MBD5: variants seen among roughly 807,000 people sequenced by gnomAD.
The protein encoded by MBD5 is methyl-CpG binding domain protein 5, also known as methyl-CpG-binding domain protein 5.
MBD5 carries 13 observed loss-of-function variants against 117.3 expected under a neutral mutation model. That is an observed-to-expected ratio of 0.11 (90% CI 0.07 to 0.18). The LOEUF (loss-of-function observed/expected upper bound fraction) is 0.18, where lower values mean the gene tolerates loss of function less well. Among genes scored for constraint, MBD5 ranks in the 10% least tolerant of loss-of-function variants. MBD5 has a pLI of 1.00. For missense variants in MBD5, 1,879 were observed against 2,093.8 expected (o/e 0.90, Z 2.00); for synonymous variants, 727 against 766.4 (o/e 0.95, Z 0.85).
chr2:148,308,559 T>C (rs930382534), intron 3 of MBD5, among the ~76,000 whole-genome samples: 4 of 148,890 alleles, frequency 2.7e-5, no homozygotes, highest in Non-Finnish European at 5.9e-5. Context: ...TATTAGCCCT[T>C]TGTCAGGTGA....
intron 12 of MBD5, among the ~76,000 whole-genome samples, chr2:148,509,843 C>T (rs1682163106): frequency 6.6e-6 from 1 of 151,844 alleles, no homozygotes; most frequent in African/African-American, 2.4e-5. Context: ...CCCCGCCCCA[C>T]AATCTGTTCA....
chr2:148,397,648 ATTTT>A (rs1704767150), intron 4 of MBD5, among the ~76,000 whole-genome samples: 1 of 151,242 alleles, frequency 6.6e-6, no homozygotes. Flanking sequence ...TATTTTATTT[ATTTT>A]ATTTTATTTT....
intron 4 of MBD5, among the ~76,000 whole-genome samples, chr2:148,405,554 G>C (rs1705050138): frequency 6.6e-6 from 1 of 152,194 alleles, no homozygotes; most frequent in South Asian, 2.1e-4. Flanking sequence ...AGGATGACTG[G>C]AGGGTCATCC....
At chr2:148,131,920 G>T (rs1478807208) in intron 1 of MBD5, among the ~76,000 whole-genome samples, 1 of 152,130 alleles carries the variant, frequency 6.6e-6, no homozygotes, top group African/African-American at 2.4e-5. Context: ...GTGTTTTCAT[G>T]TGTGTGCTTT....
chr2:148,474,807 G>C (rs921959900), intron 8 of MBD5, among the ~76,000 whole-genome samples: 2 of 152,034 alleles, frequency 1.3e-5, no homozygotes, highest in Non-Finnish European at 2.9e-5. Flanking sequence ...TAATATGGTA[G>C]GTATAAGACA....
intron 2 of MBD5, among the ~76,000 whole-genome samples, chr2:148,230,570 G>T (rs1558982736): frequency 1.3e-5 from 2 of 152,130 alleles, no homozygotes; most frequent in Non-Finnish European, 2.9e-5. Flanking sequence ...TAAGGTACAA[G>T]ACAAAGTTCC....
chr2:148,443,708 A>G (rs1706402091), intron 4 of MBD5, among the ~76,000 whole-genome samples: 1 of 151,092 alleles, frequency 6.6e-6, no homozygotes. Flanking sequence ...ACTCATAGAA[A>G]TAGAAAGTAG....
chr2:148,085,707 T>G (rs6752963), intron 1 of MBD5, among the ~76,000 whole-genome samples: 138,631 of 151,314 alleles, frequency 0.92, 63,576 homozygotes, highest in African/African-American at 0.96. Context: ...CTGGGCGACA[T>G]AGCGAGACTC....
chr2:148,089,919 A>G (rs1695893483), intron 1 of MBD5, among the ~76,000 whole-genome samples: 1 of 152,146 alleles, frequency 6.6e-6, no homozygotes. Flanking sequence ...ATTTGAAAAG[A>G]TAAACAAAAT....
At chr2:148,048,972 C>A (rs1466314516) in intron 1 of MBD5, among the ~76,000 whole-genome samples, 1 of 152,070 alleles carries the variant, frequency 6.6e-6, no homozygotes, top group Non-Finnish European at 1.5e-5. Flanking sequence ...CTGCAGTGCT[C>A]AAAGGGTGAG....
intron 1 of MBD5, among the ~76,000 whole-genome samples, chr2:148,057,469 C>T (rs1315720809): frequency 6.7e-6 from 1 of 149,934 alleles, no homozygotes; most frequent in East Asian, 2.0e-4. Context: ...TTCAGTGACT[C>T]CTGAGTTTTT....
chr2:148,369,076 G>C (rs1005875005), intron 4 of MBD5, among the ~76,000 whole-genome samples: 1 of 151,994 alleles, frequency 6.6e-6, no homozygotes, highest in African/African-American at 2.4e-5. Flanking sequence ...ACTAAAATGC[G>C]TGACCTCAAT....
chr2:148,387,349 A>G (rs745755935), intron 4 of MBD5, among the ~76,000 whole-genome samples: 51 of 152,288 alleles, frequency 3.3e-4, no homozygotes, highest in Non-Finnish European at 5.7e-4. Context: ...TGAATCATTC[A>G]TGAGAGGAAT....
chr2:148,208,119 AATT>A (rs1699331065), intron 2 of MBD5, among the ~76,000 whole-genome samples: 1 of 152,064 alleles, frequency 6.6e-6, no homozygotes, highest in Non-Finnish European at 1.5e-5. Context: ...GCTGCTGGGG[AATT>A]ATTATTAAGA....
chr2:148,079,221 T>C (rs1259242896), intron 1 of MBD5, among the ~76,000 whole-genome samples: 16 of 152,200 alleles, frequency 1.1e-4, no homozygotes, highest in Non-Finnish European at 8.8e-5. Flanking sequence ...CTCAGCAGAA[T>C]TGTGAATAGT....
At chr2:148,236,823 C>T (rs1014426981) in intron 3 of MBD5, among the ~76,000 whole-genome samples, 1 of 152,120 alleles carries the variant, frequency 6.6e-6, no homozygotes, top group African/African-American at 2.4e-5. Flanking sequence ...TCCCAGGTGG[C>T]ATCTTCTTCC....
At chr2:148,183,334 T>C (rs1574105370) in intron 2 of MBD5, among the ~76,000 whole-genome samples, 1 of 151,780 alleles carries the variant, frequency 6.6e-6, no homozygotes, top group South Asian at 2.1e-4. Flanking sequence ...GAAGGGTATT[T>C]CCCCTTACAA....
chr2:148,437,696 T>C (rs1299793992), intron 4 of MBD5, among the ~76,000 whole-genome samples: 1 of 151,944 alleles, frequency 6.6e-6, no homozygotes, highest in Admixed American at 6.6e-5. Flanking sequence ...ACAGGCATAC[T>C]AAAGACAGTC....
chr2:148,227,448 G>A (rs542600588), intron 2 of MBD5, among the ~76,000 whole-genome samples: 1 of 152,092 alleles, frequency 6.6e-6, no homozygotes, highest in African/African-American at 2.4e-5. Flanking sequence ...ATTTCTGAGG[G>A]CTCTGTTCTG....
Sources: gnomAD v4.1 joint callset for allele counts (sites outside exome capture counted in the v4.1 genomes callset) on GRCh38, gnomAD v4.1.1 for gene constraint, MANE v1.5 for transcripts, NCBI Gene and HGNC (gene_info 2026-07-23, HGNC 2026-07-21) for gene names.